The following CASP6 variants were observed in gnomAD, a reference collection of about 807,000 sequenced individuals.
CASP6 encodes caspase-6.
In CASP6, 20 loss-of-function variants were observed where a neutral mutation model predicts 31.8. That is an observed-to-expected ratio of 0.63 (90% CI 0.44 to 0.91). The LOEUF (loss-of-function observed/expected upper bound fraction) is 0.91, where lower values mean the gene tolerates loss of function less well. Among genes scored for constraint, CASP6 ranks in the 40% least tolerant of loss-of-function variants. CASP6 has a pLI of 0.00. For synonymous variants in CASP6, 130 were observed against 127.8 expected (o/e 1.02, Z -0.12); for missense variants, 328 against 361.1 (o/e 0.91, Z 0.74).
chr4:109,669,359 T>C, the CASP6 span, among the ~76,000 whole-genome samples: 14 of 152,184 alleles, frequency 9.2e-5, no homozygotes, highest in Non-Finnish European at 1.2e-4. Flanking sequence ...CTTGCTTGTA[T>C]GATTTCAGAG....
chr4:109,703,311 C>A (rs1391204596), intron 1 of CASP6, 45 bp downstream of exon 1: 2 of 1,586,762 alleles, frequency 1.3e-6, no homozygotes, highest in African/African-American at 2.7e-5. Context: ...CCAGCCGGAG[C>A]AAGACGCAGA....
At chr4:109,677,082 A>T in the CASP6 span, among the ~76,000 whole-genome samples, 3 of 152,174 alleles carry the variant, frequency 2.0e-5, no homozygotes, top group Non-Finnish European at 4.4e-5. Flanking sequence ...TGAGGACCTA[A>T]CCCCTGCCTT....
chr4:109,697,063 GGAGT>G (rs960178914), intron 3 of CASP6, among the ~76,000 whole-genome samples: 7 of 152,062 alleles, frequency 4.6e-5, no homozygotes, highest in Admixed American at 1.3e-4. Flanking sequence ...CGGGATTACA[GGAGT>G]GAGCCACCAT....
At chr4:109,682,557 T>G in the CASP6 span, 2 of 1,582,386 alleles carry the variant, frequency 1.3e-6, no homozygotes, top group South Asian at 2.3e-5. Flanking sequence ...GGTGACTGGC[T>G]TGTTTCCCTT....
the CASP6 span, among the ~76,000 whole-genome samples, chr4:109,677,272 G>A: frequency 1.3e-5 from 2 of 152,176 alleles, no homozygotes; most frequent in Admixed American, 1.3e-4. Flanking sequence ...TATTTTGGAA[G>A]TACAAACTCC....
At chr4:109,697,937 T>C (rs545625678) in intron 2 of CASP6, among the ~76,000 whole-genome samples, 169 bp from the exon 3 acceptor site, 2 of 152,248 alleles carry the variant, frequency 1.3e-5, no homozygotes, top group South Asian at 2.1e-4. Context: ...TCCTGAAATA[T>C]CTCTCTGCCA....
rs1332209100 is a variant in CASP6, at chr4:109,688,702, A to ACTT, written c.*625_*627dup. ...AACCTTTAAAAACATCAAACAATAAACTTTTATAAAAAAGTGACAAAATAC... is the reference window on the plus strand; with the variant it reads ...AACCTTTAAAAACATCAAACAATAAACTTCTTTTATAAAAAAGTGACAAAATAC... On this transcript the variant is annotated 3_prime_UTR_variant, in exon 7 of 7. Coordinates refer to ENST00000265164, the MANE Select transcript of CASP6 (RefSeq NM_001226.4). 1 of 152,184 alleles carries ACTT rather than the reference A, an allele frequency of 6.6e-6. No individual in the cohort carries two copies. The highest frequency in any genetic ancestry group is 1.9e-4 in the East Asian group (1 of 5,198). 9.4% of individuals were successfully genotyped at this position (152,184 alleles called of 1,614,324 possible). A position where few individuals can be genotyped will look rare whatever the true frequency, so the allele number is the denominator to read the frequency against.
Position 109,689,525 on chromosome 4 carries a change from A to T in CASP6, c.687T>A (p.Ile229=). The T allele has an allele frequency of 2.5e-6, 4 of 1,614,196 alleles. No individual in the cohort carries two copies. The highest frequency in any genetic ancestry group is 3.4e-6 in the Non-Finnish European group (4 of 1,180,032). ...HRETVNGSWY[I]QDLCEMLGKY... is the part of the protein sequence containing the mutation. ...TTCCCAACATCTCACACAAATCTTG[A>T]ATGTACCATGAGCCGTTCACAGTTT... Residue 229 remains isoleucine, a synonymous_variant, in exon 7 of 7, where the codon ATT becomes ATA. Transcript: ENST00000265164.
In CASP6 at chr4:109,697,702, G is replaced by T. The variant is rs1730290095; in HGVS notation, c.150C>A (p.Phe50Leu). Residue 50 changes from phenylalanine to leucine, a missense_variant, in exon 3 of 7, where the codon TTC becomes TTA. Phe to Leu is a conservative substitution (Grantham distance 22). Coordinates refer to ENST00000265164, the MANE Select transcript of CASP6 (RefSeq NM_001226.4). ...AGTGCCAAAAGAACCTCTCATGATT[G>T]AAGATTAAAGCAATTCCTCTCCTCC... is the stretch of plus-strand genomic sequence containing the variant. ...DHRRRGIALI[F>L]NHERFFWHLT... 1 of 1,614,026 alleles carries T rather than the reference G, an allele frequency of 6.2e-7. No individual in the cohort carries two copies. The highest frequency in any genetic ancestry group is 1.3e-5 in the African/African-American group (1 of 75,040).
chr4:109,696,781 G>GT (rs757024540), intron 3 of CASP6, among the ~76,000 whole-genome samples: 4,990 of 126,708 alleles, frequency 0.039, 264 homozygotes, highest in African/African-American at 0.095. Flanking sequence ...ACTCAGGCAA[G>GT]TTTTTTTTTT....
At chr4:109,674,959 G>A in the CASP6 span, among the ~76,000 whole-genome samples, 1 of 152,212 alleles carries the variant, frequency 6.6e-6, no homozygotes, top group Non-Finnish European at 1.5e-5. Context: ...GGTTTGGCCA[G>A]ACAGTATACC....
Position 109,703,434 on chromosome 4 carries a change from TC to T in CASP6, c.-40del. 3.7e-6 allele frequency: 6 copies of T among 1,605,738 alleles called. No homozygotes were observed. Among genetic ancestry groups the T allele is most frequent in the Non-Finnish European group, 5.1e-6 (6 of 1,176,684 alleles). On this transcript the variant is annotated 5_prime_UTR_variant, in exon 1 of 7. Coordinates refer to ENST00000265164, the MANE Select transcript of CASP6 (RefSeq NM_001226.4). ...GCAGCCAGACACCTTGCCCTCCTCT[TC>T]CTGAAGCCACAGGCTCCCGGGCCCG...
At chr4:109,704,534 G>C (rs1358040885), upstream of CASP6, among the ~76,000 whole-genome samples, 1 of 152,230 alleles carries the variant, frequency 6.6e-6, no homozygotes, top group Non-Finnish European at 1.5e-5. Flanking sequence ...GGCTGAGAGA[G>C]GTGAGGGAAT....
the CASP6 span, among the ~76,000 whole-genome samples, chr4:109,672,695 A>G: frequency 6.6e-6 from 1 of 152,214 alleles, no homozygotes; most frequent in South Asian, 2.1e-4. Context: ...AGATCAGGCA[A>G]GAGCCATCAA....
the CASP6 span, among the ~76,000 whole-genome samples, chr4:109,671,264 A>C: frequency 2.6e-5 from 4 of 152,180 alleles, no homozygotes; most frequent in South Asian, 8.3e-4. Context: ...GGCCATTAGC[A>C]ATATTCTTTT....
chr4:109,684,417 A>G, downstream of CASP6: 1 of 1,569,422 alleles, frequency 6.4e-7, no homozygotes, highest in Non-Finnish European at 8.7e-7. Flanking sequence ...TGTAAACAGA[A>G]TTAACAGTTT....
intron 1 of CASP6, among the ~76,000 whole-genome samples, chr4:109,702,003 A>G (rs770425896): frequency 2.0e-5 from 3 of 152,150 alleles, no homozygotes; most frequent in Admixed American, 6.5e-5. Context: ...TGCACTCTCT[A>G]TGAAAATCTA....
chr4:109,672,478 A>G, the CASP6 span, among the ~76,000 whole-genome samples: 2 of 152,214 alleles, frequency 1.3e-5, no homozygotes, highest in East Asian at 3.8e-4. Flanking sequence ...TTGGCTCCTG[A>G]GGCTTCTTCT....
chr4:109,706,000 AAATATATATATATATATATATATAT>A (rs1730595970), upstream of CASP6, among the ~76,000 whole-genome samples: 1 of 46,992 alleles, frequency 2.1e-5, no homozygotes, highest in Non-Finnish European at 3.5e-5. Context: ...AAAAAAAAAA[AAATATATATATATATATATATATAT>A]ATATATAATA....
Sources: gnomAD v4.1 joint callset for allele counts (sites outside exome capture counted in the v4.1 genomes callset) on GRCh38, gnomAD v4.1.1 for gene constraint, MANE v1.5 for transcripts, NCBI Gene and HGNC (gene_info 2026-07-23, HGNC 2026-07-21) for gene names.